C14orf132: variants seen among roughly 807,000 people sequenced by gnomAD.
The protein encoded by C14orf132 is uncharacterized protein C14orf132.
In C14orf132, 6 loss-of-function variants were observed where a neutral mutation model predicts 5.8. That is an observed-to-expected ratio of 1.03 (90% CI 0.57 to 2.04). C14orf132 has a LOEUF of 2.04. C14orf132 is among the 30% of genes most tolerant of loss of function. The pLI is 0.00. For synonymous variants in C14orf132, 51 were observed against 49.8 expected (o/e 1.02, Z -0.10); for missense variants, 125 against 115.8 (o/e 1.08, Z -0.37).
intron 1 of C14orf132, among the ~76,000 whole-genome samples, chr14:96,069,650 AG>A (rs58616777): frequency 0.03 from 4,583 of 152,236 alleles, 226 homozygotes; most frequent in African/African-American, 0.1. Context: ...CTGGCTTCAA[AG>A]GCCCAGGACT....
chr14:96,087,102 T>A lies in C14orf132; in HGVS notation c.*367T>A, dbSNP rs72702882. ...CTGGTGGTAAATAATCACTCGTGTG[T>A]CTTGTTTTTATGCAAACTTATCGAA... On this transcript the variant is annotated 3_prime_UTR_variant, in exon 2 of 2. Transcript: ENST00000555004. 0.06 allele frequency: 16,883 copies of A among 279,960 alleles called. 547 individuals are homozygous for A. The highest frequency in any genetic ancestry group is 0.078 in the African/African-American group (3,545 of 45,496). 17.3% of individuals were successfully genotyped at this position (279,960 alleles called of 1,614,324 possible).
In C14orf132 at chr14:96,039,424, C is replaced by G. The variant is rs1886620683; in HGVS notation, c.-77C>G. The G allele has an allele frequency of 4.3e-6, 6 of 1,394,960 alleles. No homozygotes were observed. The highest frequency in any genetic ancestry group is 1.5e-5 in the South Asian group (1 of 67,296). 86.4% of individuals were successfully genotyped at this position (1,394,960 alleles called of 1,614,324 possible). On this transcript the variant is annotated 5_prime_UTR_variant, in exon 1 of 2. Transcript: ENST00000555004. The surrounding 1 kb of genome is among the most constrained non-coding windows in gnomAD (Gnocchi z 5.3). Reference sequence around the variant, plus strand: ...CGGACGCTCGCTGCTCAGCCCGATCCCCGCCAACTGTGCAGGCGGCTGACC... The same window carrying G: ...CGGACGCTCGCTGCTCAGCCCGATCGCCGCCAACTGTGCAGGCGGCTGACC...
At chr14:96,067,745 C>T (rs1206702192) in intron 1 of C14orf132, among the ~76,000 whole-genome samples, 1 of 151,384 alleles carries the variant, frequency 6.6e-6, no homozygotes, top group Non-Finnish European at 1.5e-5. Flanking sequence ...GTCCCAGTGT[C>T]ATTGTGCCTG....
At chr14:96,055,229 C>T (rs770471468) in intron 1 of C14orf132, among the ~76,000 whole-genome samples, 6 of 152,174 alleles carry the variant, frequency 3.9e-5, no homozygotes, top group South Asian at 2.1e-4. Context: ...GTGGGTTCCG[C>T]GCATGCCATG....
intron 1 of C14orf132, among the ~76,000 whole-genome samples, chr14:96,070,685 T>A (rs1326347397): frequency 4.0e-5 from 6 of 151,606 alleles, no homozygotes; most frequent in Non-Finnish European, 2.9e-5. Flanking sequence ...CTTAGGCAAA[T>A]CGCTTAACCC....
chr14:96,060,016 G>A (rs1184456186), intron 1 of C14orf132, among the ~76,000 whole-genome samples: 1 of 152,174 alleles, frequency 6.6e-6, no homozygotes, highest in Non-Finnish European at 1.5e-5. Flanking sequence ...TCAGTGCCTT[G>A]TCCCTGGGAT....
At chr14:96,077,597 T>C (rs561539206) in intron 1 of C14orf132, among the ~76,000 whole-genome samples, 1 of 152,246 alleles carries the variant, frequency 6.6e-6, no homozygotes, top group South Asian at 2.1e-4. Flanking sequence ...GACACCTTGA[T>C]CTTGGACGTC....
At chr14:96,080,824 G>A (rs1304991494) in intron 1 of C14orf132, among the ~76,000 whole-genome samples, 1 of 152,142 alleles carries the variant, frequency 6.6e-6, no homozygotes, top group Non-Finnish European at 1.5e-5. Context: ...GACACTGCGG[G>A]GCAGGGACCC....
intron 1 of C14orf132, among the ~76,000 whole-genome samples, chr14:96,074,651 C>T (rs1887808461): frequency 6.6e-6 from 1 of 151,890 alleles, no homozygotes; most frequent in African/African-American, 2.4e-5. Context: ...TATTGACGTC[C>T]ACTTGTTCCA....
intron 1 of C14orf132, among the ~76,000 whole-genome samples, chr14:96,047,706 C>T (rs34038025): frequency 0.061 from 9,296 of 152,198 alleles, 391 homozygotes; most frequent in East Asian, 0.15. Context: ...CTCTGCATCA[C>T]GTCAGCCTAT....
chr14:96,060,133 C>T (rs969394198), intron 1 of C14orf132, among the ~76,000 whole-genome samples: 1 of 152,212 alleles, frequency 6.6e-6, no homozygotes, highest in African/African-American at 2.4e-5. Flanking sequence ...GTGGCCAGTG[C>T]CCTTTTGTAG....
In C14orf132 at chr14:96,091,911, C is replaced by G. The variant is rs1031847154; in HGVS notation, c.*5176C>G. On this transcript the variant is annotated 3_prime_UTR_variant, in exon 2 of 2. Transcript: ENST00000555004. Reference sequence around the variant, plus strand: ...TATCACAGCACCTTCTCATTCCCAGCGCGTCCTTCTGAGCTCAGACCTTGA... The same window carrying G: ...TATCACAGCACCTTCTCATTCCCAGGGCGTCCTTCTGAGCTCAGACCTTGA... The G allele has an allele frequency of 2.6e-5, 4 of 152,210 alleles. No individual in the cohort carries two copies. Among genetic ancestry groups the G allele is most frequent in the African/African-American group, 9.7e-5 (4 of 41,448 alleles). 9.4% of individuals were successfully genotyped at this position (152,210 alleles called of 1,614,324 possible).
chr14:96,077,681 C>T (rs988756938), intron 1 of C14orf132, among the ~76,000 whole-genome samples: 15 of 152,268 alleles, frequency 9.9e-5, no homozygotes, highest in Non-Finnish European at 1.8e-4. Context: ...GTATGGCAGC[C>T]AGAGCTAACT....
rs546966953 is a variant in C14orf132, at chr14:96,064,080, G to T, written c.28-22431G>T. Among the ~76,000 whole-genome samples, 7 of 152,172 alleles carry T rather than the reference G, an allele frequency of 4.6e-5. No homozygotes were observed. In the South Asian group the frequency reaches 8.3e-4, roughly 18 times the overall value. The stretch of plus-strand genomic sequence containing the variant: ...TCAAAAAACAGTAGATGTTGGCAGG[G>T]ATGTGGTGAGCAGGAAACACTTCTA... On this transcript the variant is annotated intron_variant, in intron 1 of 1. Coordinates refer to ENST00000555004, the MANE Select transcript of C14orf132 (RefSeq NM_001252507.3).
At chr14:96,075,231 A>G (rs1415474599) in intron 1 of C14orf132, among the ~76,000 whole-genome samples, 2 of 152,130 alleles carry the variant, frequency 1.3e-5, no homozygotes, top group African/African-American at 4.8e-5. Context: ...TGGAAACACA[A>G]TTGATCTTTT....
At chr14:96,048,517 T>A (rs1016783159) in intron 1 of C14orf132, among the ~76,000 whole-genome samples, 18 of 152,132 alleles carry the variant, frequency 1.2e-4, no homozygotes, top group African/African-American at 4.3e-4. Flanking sequence ...TTTTATTTTT[T>A]ATTTTTATTT....
At chr14:96,062,510 C>T (rs1443174990) in intron 1 of C14orf132, among the ~76,000 whole-genome samples, 1 of 152,190 alleles carries the variant, frequency 6.6e-6, no homozygotes, top group Non-Finnish European at 1.5e-5. Flanking sequence ...GAGATTGCAG[C>T]CCTCCACATG....
At chr14:96,077,911 C>T (rs1445915871) in intron 1 of C14orf132, among the ~76,000 whole-genome samples, 4 of 152,232 alleles carry the variant, frequency 2.6e-5, no homozygotes, top group African/African-American at 7.2e-5. Flanking sequence ...CTCTTTTGTG[C>T]ATGCAGTTTG....
At chr14:96,081,229 G>A (rs895525980) in intron 1 of C14orf132, among the ~76,000 whole-genome samples, 1 of 152,134 alleles carries the variant, frequency 6.6e-6, no homozygotes, top group African/African-American at 2.4e-5. Context: ...GAATGCTATC[G>A]GAGTTTATTT....
Sources: gnomAD v4.1 joint callset for allele counts (sites outside exome capture counted in the v4.1 genomes callset) on GRCh38, gnomAD v4.1.1 for gene constraint, Gnocchi (gnomAD v3.1) non-coding constraint, MANE v1.5 for transcripts, NCBI Gene and HGNC (gene_info 2026-07-23, HGNC 2026-07-21) for gene names.